CLPTM1: variants seen among roughly 807,000 people sequenced by gnomAD.
The protein encoded by CLPTM1 is CLPTM1 regulator of GABA type A receptor forward trafficking, also known as putative lipid scramblase CLPTM1.
Under a neutral mutation model 77.3 loss-of-function variants are expected in CLPTM1, and 21 were observed. That is an observed-to-expected ratio of 0.27 (90% confidence interval 0.19 to 0.39). CLPTM1 has a LOEUF of 0.39. CLPTM1 is among the 10% of genes least tolerant of loss of function. CLPTM1 has a pLI of 1.00. For synonymous variants in CLPTM1, 373 were observed against 381.0 expected, an observed-to-expected ratio of 0.98 and a Z score of 0.24; for missense variants, 642 against 921.2, an observed-to-expected ratio of 0.70 and a Z score of 3.92.
upstream of CLPTM1, chr19:44,955,370 C>CGGGGGGG: frequency 2.1e-6 from 1 of 477,222 alleles, no homozygotes; most frequent in Non-Finnish European, 2.7e-6. Flanking sequence ...GGGCTGGCGG[C>CGGGGGGG]GGGGGCGGGG....
At chr19:44,981,247 C>G (rs1448451635) in intron 5 of CLPTM1, among the ~76,000 whole-genome samples, 1 of 152,036 alleles carries the variant, frequency 6.6e-6, no homozygotes, top group Non-Finnish European at 1.5e-5. Context: ...CAGGTTCAAG[C>G]AATTCTGCCT....
chr19:44,958,333 TG>T (rs1423353635), intron 1 of CLPTM1, among the ~76,000 whole-genome samples: 1 of 149,648 alleles, frequency 6.7e-6, no homozygotes, highest in Non-Finnish European at 1.5e-5. Flanking sequence ...TTGGAGGCCA[TG>T]GGGAGGACTT....
chr19:44,969,559 A>G (rs1970685801), intron 2 of CLPTM1, among the ~76,000 whole-genome samples: 1 of 152,102 alleles, frequency 6.6e-6, no homozygotes, highest in African/African-American at 2.4e-5. Context: ...TTGTTGTGCC[A>G]TTGCTAGGTT....
At position 44,993,009 on chromosome 19, in the gene CLPTM1, T is replaced by C; in HGVS notation, c.*112T>C. 7.5e-7 allele frequency: 1 copy of C among 1,341,500 alleles called. No individual in the cohort carries two copies. The highest frequency in any genetic ancestry group is 1.0e-6 in the Non-Finnish European group (1 of 967,052). 83.1% of individuals were successfully genotyped at this position (1,341,500 alleles called of 1,614,324 possible). A position where few individuals can be genotyped will look rare whatever the true frequency, so the allele number is the denominator to read the frequency against. On this transcript the variant is annotated 3_prime_UTR_variant, in exon 14 of 14. Transcript: ENST00000337392. Reference sequence around the variant, plus strand: ...CCCTGGACAGATCAGGCCGGGGCGGTGGGAGGCCCGCCTCAGGTCAGGGCC... The same window carrying C: ...CCCTGGACAGATCAGGCCGGGGCGGCGGGAGGCCCGCCTCAGGTCAGGGCC...
Position 44,992,736 on chromosome 19 carries a change from G to A in CLPTM1, c.1849G>A (p.Ala617Thr). Residue 617 changes from alanine to threonine, a missense_variant, in exon 14 of 14, where the codon GCA becomes ACA. By Grantham distance (58) the Ala-to-Thr change is moderately conservative. This residue lies in a region of CLPTM1 where 521 missense variants were observed against 800.4 expected (regional missense o/e 0.65). Coordinates refer to ENST00000337392, the MANE Select transcript of CLPTM1 (RefSeq NM_001294.4). The surrounding 1 kb of genome is among the most constrained non-coding windows in gnomAD (Gnocchi z 7.7). ...AAAPVAEVPT[A>T]AGALTPTPAP... is the part of the protein sequence containing the mutation. ...CGCCCCCGTGGCCGAGGTTCCCACA[G>A]CAGCAGGGGCCCTCACGCCCACACC... The A allele has an allele frequency of 6.2e-7, 1 of 1,613,116 alleles. No homozygotes were observed. Among genetic ancestry groups the A allele is most frequent in the Non-Finnish European group, 8.5e-7 (1 of 1,179,872 alleles).
chr19:44,954,902 G>A (rs1970432441), upstream of CLPTM1: 1 of 1,382,118 alleles, frequency 7.2e-7, no homozygotes, highest in East Asian at 2.5e-5. Context: ...CAAGGGTGCT[G>A]GGCAAAAGGC....
intron 4 of CLPTM1, among the ~76,000 whole-genome samples, chr19:44,975,432 C>T (rs1442486697): frequency 6.6e-6 from 1 of 152,214 alleles, no homozygotes; most frequent in Non-Finnish European, 1.5e-5. Context: ...TCGGCTGAGT[C>T]CAAGACAGCT....
chr19:44,978,932 T>TTG (rs1266743011), intron 5 of CLPTM1, among the ~76,000 whole-genome samples: 1 of 151,718 alleles, frequency 6.6e-6, no homozygotes, highest in African/African-American at 2.4e-5. Flanking sequence ...GTCCGTCCTC[T>TTG]TGTTTTCGAG....
Position 44,988,109 on chromosome 19 carries a change from G to C in CLPTM1, c.1068G>C (p.Leu356=). 6.2e-7 allele frequency: 1 copy of C among 1,613,768 alleles called. No individual in the cohort carries two copies. Among genetic ancestry groups the C allele is most frequent in the Middle Eastern group, 1.7e-4 (1 of 6,060 alleles). The change falls in exon 9 of 14, where the codon CTG becomes CTC. Residue 356 remains leucine, a synonymous_variant. Transcript: ENST00000337392. ...CCCTGCTGGAGACCAACCCCTACCT[G>C]CTGGCGCTCACCATCATCGTGTCTA... ...KVALLETNPY[L]LALTIIVSIV... is the part of the protein sequence containing the mutation.
chr19:44,987,662 G>T, intron 8 of CLPTM1: 1 of 583,080 alleles, frequency 1.7e-6, no homozygotes, highest in Admixed American at 3.0e-5. Context: ...GTCCAGACCT[G>T]TCCCTTCCTC....
intron 7 of CLPTM1, chr19:44,986,934 A>T (rs11672748): frequency 7.2e-6 from 4 of 556,600 alleles, no homozygotes; most frequent in Non-Finnish European, 1.3e-5. Flanking sequence ...GGTCACCCAC[A>T]GGGCAGCCGT....
intron 5 of CLPTM1, among the ~76,000 whole-genome samples, chr19:44,978,981 C>CTTTT (rs35634071): frequency 7.6e-6 from 1 of 132,302 alleles, no homozygotes; most frequent in African/African-American, 2.8e-5. Flanking sequence ...TTGCCTGGCT[C>CTTTT]TTTTTTTTTT....
Position 44,990,975 on chromosome 19 carries a change from G to A in CLPTM1, c.1419+30G>A, listed in dbSNP as rs1453380550. The stretch of plus-strand genomic sequence containing the variant: ...GTGTCCTGCACAGTGGGCCCCTGGG[G>A]GTGGTCTCCAGGTACCACGTATCCC... On this transcript the variant is annotated intron_variant, in intron 11 of 13. Transcript: ENST00000337392. This position sits in a 1 kb window ranked among gnomAD's most constrained non-coding sequence, Gnocchi z 4.8. 4.9e-6 allele frequency: 7 copies of A among 1,438,358 alleles called. No individual in the cohort carries two copies. Among genetic ancestry groups the A allele is most frequent in the African/African-American group, 2.9e-5 (1 of 34,366 alleles). The allele number at this position is 1,438,358 out of a possible 1,614,324, so 89.1% of individuals were successfully genotyped here. A position where few individuals can be genotyped will look rare whatever the true frequency, so the allele number is the denominator to read the frequency against.
chr19:44,974,171 G>A (rs545072361), intron 3 of CLPTM1, among the ~76,000 whole-genome samples: 8 of 152,066 alleles, frequency 5.3e-5, no homozygotes, highest in Non-Finnish European at 8.8e-5. Flanking sequence ...GGGAGCTCCT[G>A]CCCCTTCCTA....
At chr19:44,971,522 T>C (rs1970717648) in intron 2 of CLPTM1, among the ~76,000 whole-genome samples, 1 of 152,170 alleles carries the variant, frequency 6.6e-6, no homozygotes, top group East Asian at 1.9e-4. Context: ...CTTCTGTGCC[T>C]TCGGTTCTTT....
At position 44,987,595 on chromosome 19, in the gene CLPTM1, C is replaced by T. The variant is rs1338501763; in HGVS notation, c.1038+172C>T. The T allele has an allele frequency of 3.5e-6, 3 of 869,436 alleles. No homozygotes were observed. The East Asian group carries it at 8.0e-5, about 23-fold the overall frequency. 53.9% of individuals were successfully genotyped at this position (869,436 alleles called of 1,614,324 possible). On this transcript the variant is annotated intron_variant, in intron 8 of 13. Coordinates refer to ENST00000337392, the MANE Select transcript of CLPTM1 (RefSeq NM_001294.4). ...AGTGAAAGGAAGTGGGCACCCAGCC[C>T]TCCAGCCCTAGATGACTGGGGGTCC... is the stretch of plus-strand genomic sequence containing the variant.
chr19:44,977,631 C>A (rs1201471804), intron 5 of CLPTM1, among the ~76,000 whole-genome samples, 171 bp downstream of exon 5: 7 of 152,090 alleles, frequency 4.6e-5, no homozygotes, highest in Admixed American at 3.9e-4. Flanking sequence ...CCTGAAAGAG[C>A]CCTGTGGACA....
chr19:44,954,894 A>T, upstream of CLPTM1: 1 of 1,327,058 alleles, frequency 7.5e-7, no homozygotes, highest in Non-Finnish European at 1.0e-6. Flanking sequence ...TCAGAAGACA[A>T]GGGTGCTGGG....
At chr19:44,967,292 C>T (rs1316420449) in intron 2 of CLPTM1, among the ~76,000 whole-genome samples, 1 of 151,996 alleles carries the variant, frequency 6.6e-6, no homozygotes, top group Non-Finnish European at 1.5e-5. Flanking sequence ...GCACTCCAGC[C>T]TAGGCAACAG....
Sources: allele counts gnomAD v4.1 joint callset (sites outside exome capture counted in the v4.1 genomes callset), GRCh38; gene constraint gnomAD v4.1.1; regional missense constraint gnomAD v4.1.1; non-coding constraint Gnocchi (gnomAD v3.1); transcripts MANE v1.5; gene names NCBI Gene and HGNC (gene_info 2026-07-23, HGNC 2026-07-21).